Variants in NOX4 observed in about 807,000 individuals in gnomAD.
NOX4 encodes kidney oxidase-1.
NOX4 carries 69 observed loss-of-function variants against 87.6 expected under a neutral mutation model. That is an observed-to-expected ratio of 0.79 (90% CI 0.65 to 0.96). The LOEUF is 0.96. NOX4 is among the 40% of genes least tolerant of loss of function. The probability of loss-of-function intolerance (pLI) is 0.00; values close to 1 mark genes in which losing one functional copy is unlikely to be tolerated. For missense variants in NOX4, 680 were observed against 681.5 expected (o/e 1.00, Z 0.02); for synonymous variants, 275 against 238.2 (o/e 1.15, Z -1.42).
At chr11:89,533,257 G>C in the NOX4 span, among the ~76,000 whole-genome samples, 1 of 151,942 alleles carries the variant, frequency 6.6e-6, no homozygotes, top group Non-Finnish European at 1.5e-5. Flanking sequence ...TCATGCACTT[G>C]AATTTCCTAA....
intron 6 of NOX4, among the ~76,000 whole-genome samples, chr11:89,434,876 T>G (rs559435206): frequency 6.6e-6 from 1 of 152,030 alleles, no homozygotes; most frequent in Non-Finnish European, 1.5e-5. Context: ...CCTGAAAAAG[T>G]ACAAATTCTA....
chr11:89,360,862 T>C (rs1428463583), intron 12 of NOX4, among the ~76,000 whole-genome samples: 1 of 152,052 alleles, frequency 6.6e-6, no homozygotes, highest in African/African-American at 2.4e-5. Context: ...CCAACATCAC[T>C]AATCATCAGG....
the NOX4 span, among the ~76,000 whole-genome samples, chr11:89,545,999 T>C: frequency 3.3e-5 from 5 of 152,178 alleles, no homozygotes; most frequent in African/African-American, 1.2e-4. Context: ...GTGGTAAATA[T>C]TAGAGTTAGT....
intron 2 of NOX4, among the ~76,000 whole-genome samples, chr11:89,469,441 T>C (rs760711970): frequency 1.3e-5 from 2 of 152,236 alleles, no homozygotes; most frequent in Non-Finnish European, 2.9e-5. Context: ...TTTGTGCTCA[T>C]TGTGATCAAT....
At chr11:89,588,623 C>T in the NOX4 span, among the ~76,000 whole-genome samples, 1 of 152,154 alleles carries the variant, frequency 6.6e-6, no homozygotes, top group East Asian at 1.9e-4. Flanking sequence ...TCTGCACTTA[C>T]GGTATTAACT....
the NOX4 span, among the ~76,000 whole-genome samples, chr11:89,576,025 C>G: frequency 6.6e-6 from 1 of 152,208 alleles, no homozygotes; most frequent in Admixed American, 6.5e-5. Context: ...CTGGCCACAA[C>G]TGTTTGTCCA....
chr11:89,416,908 T>C (rs1942811403), intron 8 of NOX4, among the ~76,000 whole-genome samples: 1 of 152,158 alleles, frequency 6.6e-6, no homozygotes, highest in Admixed American at 6.6e-5. Flanking sequence ...ATTCATATAA[T>C]AAAAAGATCT....
At chr11:89,480,726 TTG>T (rs777954424) in intron 2 of NOX4, among the ~76,000 whole-genome samples, 49 of 152,220 alleles carry the variant, frequency 3.2e-4, no homozygotes, top group Non-Finnish European at 6.5e-4. Flanking sequence ...TAACAGGAAC[TTG>T]GCACAATGTC....
chr11:89,492,368 C>T (rs1324166054), upstream of NOX4: 1 of 152,188 alleles, frequency 6.6e-6, no homozygotes, highest in Non-Finnish European at 1.5e-5. Context: ...AAGTTTACTA[C>T]TAGTTGCTTA....
At chr11:89,528,246 C>T in the NOX4 span, among the ~76,000 whole-genome samples, 1 of 152,126 alleles carries the variant, frequency 6.6e-6, no homozygotes, top group Non-Finnish European at 1.5e-5. Flanking sequence ...AAGTAACTAC[C>T]TTGCTTTTTA....
chr11:89,376,928 G>A (rs1210868529), intron 11 of NOX4, among the ~76,000 whole-genome samples: 1 of 152,046 alleles, frequency 6.6e-6, no homozygotes, highest in Non-Finnish European at 1.5e-5. Context: ...CATGATGGCA[G>A]GTGCCTGTAA....
At chr11:89,384,229 T>C (rs1436898501) in intron 11 of NOX4, among the ~76,000 whole-genome samples, 2 of 152,130 alleles carry the variant, frequency 1.3e-5, no homozygotes, top group Admixed American at 1.3e-4. Context: ...CATTATTCTG[T>C]TTTGGATCTC....
chr11:89,357,976 A>G (rs1314850082), intron 12 of NOX4, among the ~76,000 whole-genome samples: 1 of 152,162 alleles, frequency 6.6e-6, no homozygotes, highest in Non-Finnish European at 1.5e-5. Context: ...CATCACTTAT[A>G]AAGCTATAAG....
intron 13 of NOX4, among the ~76,000 whole-genome samples, chr11:89,346,272 A>G (rs1946211681): frequency 6.6e-6 from 1 of 152,206 alleles, no homozygotes; most frequent in East Asian, 1.9e-4. Context: ...GGAATTCTGA[A>G]TGATTCAGTC....
the NOX4 span, among the ~76,000 whole-genome samples, chr11:89,518,905 A>C: frequency 6.6e-6 from 1 of 151,992 alleles, no homozygotes; most frequent in Non-Finnish European, 1.5e-5. Context: ...ATTATGATAA[A>C]AAAATCACTG....
chr11:89,383,341 C>T (rs59192819), intron 11 of NOX4, among the ~76,000 whole-genome samples: 2,932 of 152,286 alleles, frequency 0.019, 79 homozygotes, highest in East Asian at 0.13. Context: ...TGCGGGACCC[C>T]GTTGGAAATC....
intron 8 of NOX4, among the ~76,000 whole-genome samples, chr11:89,412,058 C>CAT (rs1475115683): frequency 6.6e-6 from 1 of 151,928 alleles, no homozygotes; most frequent in African/African-American, 2.4e-5. Context: ...AGACAAAAAC[C>CAT]ATAAGAAGAG....
At chr11:89,561,050 CATATATAT>C in the NOX4 span, among the ~76,000 whole-genome samples, 535 of 28,548 alleles carry the variant, frequency 0.019, 17 homozygotes, top group African/African-American at 0.056. Context: ...ATATATCATA[CATATATAT>C]ATATATATAT....
chr11:89,585,794 T>G, the NOX4 span, among the ~76,000 whole-genome samples: 1 of 152,176 alleles, frequency 6.6e-6, no homozygotes, highest in East Asian at 1.9e-4. Context: ...TTTAACCCAT[T>G]CACATCACTG....
Sources: allele counts gnomAD v4.1 joint callset (sites outside exome capture counted in the v4.1 genomes callset), GRCh38; gene constraint gnomAD v4.1.1; transcripts MANE v1.5; gene names NCBI Gene and HGNC (gene_info 2026-07-23, HGNC 2026-07-21).